MYLK4: variants seen among roughly 807,000 people sequenced by gnomAD.
The protein encoded by MYLK4 is caMLCK like.
Under a neutral mutation model 48.1 loss-of-function variants are expected in MYLK4, and 46 were observed. That is an observed-to-expected ratio of 0.96 (90% CI 0.75 to 1.22). The LOEUF (loss-of-function observed/expected upper bound fraction) is 1.22, where lower values mean the gene tolerates loss of function less well. Ranked by LOEUF, MYLK4 falls within the 50% of genes most tolerant of loss-of-function variation. The pLI is 0.00. For synonymous variants in MYLK4, 170 were observed against 180.8 expected (o/e 0.94, Z 0.48); for missense variants, 451 against 486.1 (o/e 0.93, Z 0.68).
intron 3 of MYLK4, among the ~76,000 whole-genome samples, chr6:2,690,866 GTC>G (rs1454471080): frequency 8.8e-6 from 1 of 113,052 alleles, no homozygotes; most frequent in Non-Finnish European, 1.6e-5. Flanking sequence ...GTCTCGCTCT[GTC>G]GCCCAGGCTG....
In MYLK4 at chr6:2,685,220, G is replaced by A. The variant is rs1582041209; in HGVS notation, c.545+76C>T. On this transcript the variant is annotated intron_variant, in intron 6 of 12. Coordinates refer to ENST00000274643, the MANE Select transcript of MYLK4 (RefSeq NM_001012418.5). This position sits in a 1 kb window ranked among gnomAD's most constrained non-coding sequence, Gnocchi z 4.5. Reference sequence around the variant, plus strand: ...CTTGGTTCTGGTCCCGCTACAGCAGGACGGAGCTACTGAGGCACGGTCACG... The same window carrying A: ...CTTGGTTCTGGTCCCGCTACAGCAGAACGGAGCTACTGAGGCACGGTCACG... 23 of 1,061,972 alleles carry A rather than the reference G, an allele frequency of 2.2e-5. No individual in the cohort carries two copies. In the East Asian group the frequency reaches 5.5e-4, roughly 25 times the overall value. The allele number at this position is 1,061,972 out of a possible 1,614,324, so 65.8% of individuals were successfully genotyped here.
intron 2 of MYLK4, among the ~76,000 whole-genome samples, chr6:2,732,315 T>C (rs1296401410): frequency 6.6e-6 from 1 of 152,148 alleles, no homozygotes; most frequent in Non-Finnish European, 1.5e-5. Flanking sequence ...ATGAGAACAA[T>C]GGCGCTAACC....
At chr6:2,674,027 T>C (rs1432825081) in intron 11 of MYLK4, among the ~76,000 whole-genome samples, 2 of 152,090 alleles carry the variant, frequency 1.3e-5, no homozygotes, top group Non-Finnish European at 2.9e-5. Flanking sequence ...GGCAGGGAGA[T>C]GAGATTAGTT....
intron 2 of MYLK4, among the ~76,000 whole-genome samples, chr6:2,718,007 C>A (rs956687249): frequency 6.6e-6 from 1 of 151,976 alleles, no homozygotes; most frequent in Non-Finnish European, 1.5e-5. Flanking sequence ...ATGGAGAAAC[C>A]CCGTCTCTAC....
intron 2 of MYLK4, chr6:2,744,019 T>C: frequency 7.5e-6 from 3 of 399,062 alleles, no homozygotes; most frequent in Non-Finnish European, 1.3e-5. Context: ...CGTCTTTTCT[T>C]CTGAGTGTGA....
intron 2 of MYLK4, among the ~76,000 whole-genome samples, chr6:2,726,866 C>G (rs759645074): frequency 3.3e-5 from 5 of 152,146 alleles, no homozygotes; most frequent in African/African-American, 1.2e-4. Flanking sequence ...ACCACCTCAG[C>G]CTCCCAAAGT....
chr6:2,697,624 C>T (rs1762112404), intron 2 of MYLK4, among the ~76,000 whole-genome samples: 1 of 152,180 alleles, frequency 6.6e-6, no homozygotes, highest in East Asian at 1.9e-4. Context: ...TTCAACTGAA[C>T]AACATCGTCT....
chr6:2,747,113 C>G lies in MYLK4; in HGVS notation c.159+2023G>C, dbSNP rs540571337. 7.2e-5 allele frequency among the ~76,000 whole-genome samples: 11 copies of G among 152,324 alleles called. No homozygotes were observed. In the East Asian group the frequency reaches 2.1e-3, roughly 29 times the overall value. ...CCTAGTGATTCCTTCCCACCTTCCA[C>G]AGGGTGTCAACTGCAGGACGGAAGC... On this transcript the variant is annotated intron_variant, in intron 2 of 12. Coordinates refer to ENST00000274643, the MANE Select transcript of MYLK4 (RefSeq NM_001012418.5).
the MYLK4 span, chr6:2,766,206 A>G: frequency 6.9e-7 from 1 of 1,448,022 alleles, no homozygotes; most frequent in Non-Finnish European, 9.1e-7. Context: ...GACGCTGCCG[A>G]AGCCGCCACC....
chr6:2,723,537 C>A (rs1763143158), intron 2 of MYLK4, among the ~76,000 whole-genome samples: 1 of 152,268 alleles, frequency 6.6e-6, no homozygotes, highest in African/African-American at 2.4e-5. Context: ...TTGAGGTTCT[C>A]TCGCCCTCGC....
At chr6:2,696,924 G>A (rs1762082616) in intron 2 of MYLK4, among the ~76,000 whole-genome samples, 1 of 152,134 alleles carries the variant, frequency 6.6e-6, no homozygotes, top group Non-Finnish European at 1.5e-5. Flanking sequence ...GCTGGGCCTG[G>A]TGGTGCACAC....
chr6:2,707,223 T>G (rs1200849763), intron 2 of MYLK4, among the ~76,000 whole-genome samples: 2 of 152,196 alleles, frequency 1.3e-5, no homozygotes, highest in African/African-American at 4.8e-5. Flanking sequence ...GCTTTAAGAA[T>G]AGTAACTTTT....
the MYLK4 span, among the ~76,000 whole-genome samples, chr6:2,762,112 G>C: frequency 6.6e-6 from 1 of 152,072 alleles, no homozygotes; most frequent in African/African-American, 2.4e-5. Context: ...GTTTCACCAT[G>C]TTGGCCACGA....
In MYLK4 at chr6:2,671,311, A is replaced by C; in HGVS notation, c.1157T>G (p.Val386Gly). The change falls in exon 12 of 13, where the codon GTG (valine) becomes GGG (glycine). Residue 386 changes from valine (V) to glycine (G), a missense_variant. Val to Gly is a moderately radical substitution (Grantham distance 109). Transcript: ENST00000274643. ...GCTGCCTCCTGTAGACTATTTGGTC[A>C]CAAAGTCCTGGGCATCAGAGCCACG... The part of the protein sequence containing the change: ...KNRGSDAQDF[V>G]TK 6.2e-7 allele frequency: 1 copy of C among 1,614,068 alleles called. No homozygotes were observed. Among genetic ancestry groups the C allele is most frequent in the Non-Finnish European group, 8.5e-7 (1 of 1,179,998 alleles).
chr6:2,763,469 G>A, the MYLK4 span, among the ~76,000 whole-genome samples: 10 of 152,340 alleles, frequency 6.6e-5, no homozygotes, highest in South Asian at 2.1e-4. Context: ...TGAGCCTTGC[G>A]CTGCGTGGAG....
intron 2 of MYLK4, among the ~76,000 whole-genome samples, chr6:2,734,972 G>A (rs1254564181): frequency 6.6e-6 from 1 of 152,208 alleles, no homozygotes; most frequent in Non-Finnish European, 1.5e-5. Flanking sequence ...GCCACTCTGA[G>A]CAATCAGATT....
At chr6:2,765,399 C>T in the MYLK4 span, 7 of 411,072 alleles carry the variant, frequency 1.7e-5, no homozygotes, top group South Asian at 5.2e-4. Context: ...AACTACACTT[C>T]CCGACACGCC....
At chr6:2,768,838 A>G in the MYLK4 span, 8 of 1,613,532 alleles carry the variant, frequency 5.0e-6, no homozygotes, top group Non-Finnish European at 5.9e-6. Flanking sequence ...AAGGAAAACC[A>G]TCCTTTTTAT....
intron 2 of MYLK4, among the ~76,000 whole-genome samples, chr6:2,723,118 C>T (rs1414443496): frequency 6.6e-6 from 1 of 151,958 alleles, no homozygotes; most frequent in East Asian, 1.9e-4. Context: ...ATAGTGAGAT[C>T]CCATCTCTAC....
Sources: allele counts gnomAD v4.1 joint callset (sites outside exome capture counted in the v4.1 genomes callset), GRCh38; gene constraint gnomAD v4.1.1; non-coding constraint Gnocchi (gnomAD v3.1); transcripts MANE v1.5; gene names NCBI Gene and HGNC (gene_info 2026-07-23, HGNC 2026-07-21).